The following TUFT1 variants were observed in gnomAD, a reference collection of about 807,000 sequenced individuals.
The protein encoded by TUFT1 is tuftelin 1, also known as tuftelin.
Under a neutral mutation model 57.8 loss-of-function variants are expected in TUFT1, and 43 were observed. That is an observed-to-expected ratio of 0.74 (90% CI 0.58 to 0.96). TUFT1 has a LOEUF of 0.96. Ranked by LOEUF, TUFT1 falls within the 40% of genes least tolerant of loss-of-function variation. The pLI, the probability that TUFT1 is intolerant of heterozygous loss-of-function variation, is 0.00. For missense variants in TUFT1, 459 were observed against 489.0 expected (o/e 0.94, Z 0.58); for synonymous variants, 166 against 176.7 (o/e 0.94, Z 0.48).
At chr1:151,559,446 C>T (rs776332575) in intron 1 of TUFT1, among the ~76,000 whole-genome samples, 5 of 152,020 alleles carry the variant, frequency 3.3e-5, no homozygotes, top group Non-Finnish European at 4.4e-5. Flanking sequence ...AACTTGGAGA[C>T]GCCTTAGGTG....
At chr1:151,555,212 C>G (rs1212759268) in intron 1 of TUFT1, among the ~76,000 whole-genome samples, 1 of 150,276 alleles carries the variant, frequency 6.7e-6, no homozygotes, top group Non-Finnish European at 1.5e-5. Flanking sequence ...ACCTGTAATC[C>G]CAGCTACTCA....
chr1:151,561,551 G>A (rs1245780249), intron 1 of TUFT1: 6 of 984,354 alleles, frequency 6.1e-6, no homozygotes, highest in Non-Finnish European at 7.2e-6. Context: ...TTTGAAATTA[G>A]GTTGATCTCT....
Position 151,578,719 on chromosome 1 carries a change from A to C in TUFT1, c.819-2A>C. 6.4e-7 allele frequency: 1 copy of C among 1,558,628 alleles called. No homozygotes were observed. Among genetic ancestry groups the C allele is most frequent in the Non-Finnish European group, 8.7e-7 (1 of 1,150,138 alleles). ...CCTCAGCCTTCTGGTCTTTATCCCC[A>C]GGGCTGCTACCCTGGAAAAGGAAGT... On this transcript the variant is annotated splice_acceptor_variant, in intron 9 of 12. Transcript: ENST00000368849. LOFTEE classifies it high-confidence loss of function.
intron 1 of TUFT1, among the ~76,000 whole-genome samples, chr1:151,560,171 G>A (rs56188938): frequency 0.6 from 90,212 of 150,430 alleles, 27,470 homozygotes; most frequent in East Asian, 0.92. Context: ...TAATCCCAGC[G>A]CTTTGGGAGG....
At chr1:151,546,506 A>G (rs1665346371) in intron 1 of TUFT1, among the ~76,000 whole-genome samples, 1 of 152,124 alleles carries the variant, frequency 6.6e-6, no homozygotes, top group Non-Finnish European at 1.5e-5. Context: ...ATCCTGACCC[A>G]TTAGCAGTCA....
chr1:151,565,959 C>T (rs1255751067), intron 5 of TUFT1: 5 of 464,668 alleles, frequency 1.1e-5, no homozygotes, highest in Admixed American at 3.4e-5. Flanking sequence ...TCTTCTTTCG[C>T]TTCGTTCCTT....
rs2102561832 is a variant in TUFT1 at position 151,581,787 on chromosome 1, C to A, written c.*80C>A. 1 of 1,444,456 alleles carries A rather than the reference C, an allele frequency of 6.9e-7. No individual in the cohort carries two copies. The highest frequency in any genetic ancestry group is 9.7e-7 in the Non-Finnish European group (1 of 1,029,360). 89.5% of individuals were successfully genotyped at this position (1,444,456 alleles called of 1,614,324 possible). Reference sequence around the variant, plus strand: ...CTGCCCCTGTTGGCTGTTAACACTGCCTTTGACTTCCTGACTGTCCCCTGG... The same window carrying A: ...CTGCCCCTGTTGGCTGTTAACACTGACTTTGACTTCCTGACTGTCCCCTGG... On this transcript the variant is annotated 3_prime_UTR_variant, in exon 13 of 13. Coordinates refer to ENST00000368849, the MANE Select transcript of TUFT1 (RefSeq NM_020127.3).
intron 1 of TUFT1, among the ~76,000 whole-genome samples, chr1:151,559,325 T>C (rs1665809778): frequency 6.6e-6 from 1 of 152,192 alleles, no homozygotes; most frequent in South Asian, 2.1e-4. Flanking sequence ...GAGAGGCAGA[T>C]GCCATGGGAG....
chr1:151,564,481 C>T, intron 4 of TUFT1, 44 bp from the exon 5 acceptor site: 2 of 1,511,498 alleles, frequency 1.3e-6, no homozygotes. Flanking sequence ...GGCATGCTCT[C>T]TTTCTCTACC....
chr1:151,578,629 A>T, intron 9 of TUFT1, 92 bp from the exon 10 acceptor site: 2 of 1,109,240 alleles, frequency 1.8e-6, no homozygotes, highest in Non-Finnish European at 2.6e-6. Flanking sequence ...GAATCATATT[A>T]ATGGGAACCT....
intron 1 of TUFT1, among the ~76,000 whole-genome samples, chr1:151,558,218 T>C (rs1377574404): frequency 1.3e-5 from 2 of 152,160 alleles, no homozygotes; most frequent in African/African-American, 4.8e-5. Flanking sequence ...CCCTCATTTC[T>C]GAAGGATATT....
intron 7 of TUFT1, 51 bp downstream of exon 7, chr1:151,569,821 C>A: frequency 7.1e-7 from 1 of 1,403,210 alleles, no homozygotes; most frequent in Non-Finnish European, 1.0e-6. Flanking sequence ...GGCTACTGAA[C>A]ACAGGTGCCA....
chr1:151,551,598 C>T (rs1037334657), intron 1 of TUFT1, among the ~76,000 whole-genome samples: 7 of 152,076 alleles, frequency 4.6e-5, no homozygotes, highest in South Asian at 2.1e-4. Flanking sequence ...GAGGATACCC[C>T]GGTCGGAGAA....
intron 11 of TUFT1, among the ~76,000 whole-genome samples, chr1:151,580,661 C>CAAAA (rs10714430): frequency 2.2e-4 from 16 of 71,918 alleles, no homozygotes; most frequent in African/African-American, 3.5e-4. Flanking sequence ...GACCCTATCT[C>CAAAA]AAAAAAAAAA....
intron 7 of TUFT1, among the ~76,000 whole-genome samples, chr1:151,573,394 G>A (rs1666334940): frequency 6.6e-6 from 1 of 152,214 alleles, no homozygotes; most frequent in Admixed American, 6.5e-5. Flanking sequence ...ATGCAAGTTG[G>A]AAGAAAGGAG....
intron 9 of TUFT1, among the ~76,000 whole-genome samples, chr1:151,578,467 A>C (rs1212328584): frequency 6.6e-6 from 1 of 152,040 alleles, no homozygotes. Flanking sequence ...ACGCCACCAC[A>C]CTTGGCTAAT....
chr1:151,551,639 G>A (rs995329718), intron 1 of TUFT1, among the ~76,000 whole-genome samples: 4 of 152,086 alleles, frequency 2.6e-5, no homozygotes, highest in African/African-American at 7.2e-5. Context: ...GGAGGTGGGA[G>A]CACGTATTGC....
chr1:151,574,284 G>C lies in TUFT1; in HGVS notation c.609G>C (p.Arg203=). ...DCVAFEVTLS[R]YQREAEQSNV... is the part of the protein sequence containing the mutation. Reference sequence around the variant, plus strand: ...CCGTGTTTTAGGTCACACTCAGCCGGTACCAGAGGGAAGCAGAACAAAGTA... The same window carrying C: ...CCGTGTTTTAGGTCACACTCAGCCGCTACCAGAGGGAAGCAGAACAAAGTA... Residue 203 remains arginine (R), a synonymous_variant, in exon 8 of 13, where the codon CGG becomes CGC. Transcript: ENST00000368849. The C allele has an allele frequency of 6.2e-7, 1 of 1,614,008 alleles. No homozygotes were observed. The highest frequency in any genetic ancestry group is 8.5e-7 in the Non-Finnish European group (1 of 1,179,966).
At chr1:151,561,142 T>C (rs983402107) in intron 1 of TUFT1, among the ~76,000 whole-genome samples, 14 of 151,932 alleles carry the variant, frequency 9.2e-5, no homozygotes, top group African/African-American at 2.9e-4. Context: ...TACAGGCGCC[T>C]GCCACCACGC....
Sources: allele counts gnomAD v4.1 joint callset (sites outside exome capture counted in the v4.1 genomes callset), GRCh38; gene constraint gnomAD v4.1.1; transcripts MANE v1.5; gene names NCBI Gene and HGNC (gene_info 2026-07-23, HGNC 2026-07-21).